The following WDFY4 variants were observed in gnomAD, a reference collection of about 807,000 sequenced individuals.
The protein encoded by WDFY4 is WDFY family member 4.
In WDFY4, 169 loss-of-function variants were observed where a neutral mutation model predicts 351.9. The observed-to-expected ratio is 0.48, with a 90% confidence interval of 0.42 to 0.55. The LOEUF is 0.55. Ranked by LOEUF, WDFY4 falls within the 20% of genes least tolerant of loss-of-function variation. The probability of loss-of-function intolerance (pLI) is 0.00; values close to 1 mark genes in which losing one functional copy is unlikely to be tolerated. For synonymous variants in WDFY4, 1,622 were observed against 1,574.6 expected, an observed-to-expected ratio of 1.03 and a Z score of -0.71; for missense variants, 3,803 against 3,935.6, an observed-to-expected ratio of 0.97 and a Z score of 0.90.
chr10:48,950,995 G>A (rs529915445), intron 51 of WDFY4, among the ~76,000 whole-genome samples: 21 of 152,368 alleles, frequency 1.4e-4, no homozygotes, highest in African/African-American at 4.6e-4. Context: ...CAGGCATGGA[G>A]TTCTCTGGGC....
In WDFY4 at chr10:48,890,736, T is replaced by G; in HGVS notation, c.7316+9T>G. Reference sequence around the variant, plus strand: ...CGTCACTGCTTATCCAAGTGAGTTATCCACTTCTCCCAGCAGATTCTTCCC... The same window carrying G: ...CGTCACTGCTTATCCAAGTGAGTTAGCCACTTCTCCCAGCAGATTCTTCCC... On this transcript the variant is annotated intron_variant, in intron 44 of 61. Coordinates refer to ENST00000325239, the MANE Select transcript of WDFY4 (RefSeq NM_001394531.1). The G allele has an allele frequency of 6.4e-7, 1 of 1,551,582 alleles. No individual in the cohort carries two copies. Among genetic ancestry groups the G allele is most frequent in the South Asian group, 1.2e-5 (1 of 84,062 alleles).
chr10:48,811,325 G>C (rs1441211907), intron 29 of WDFY4, among the ~76,000 whole-genome samples: 2 of 152,204 alleles, frequency 1.3e-5, no homozygotes, highest in African/African-American at 2.4e-5. Flanking sequence ...TGGGCAGCAA[G>C]TATGTTTTTG....
chr10:48,726,337 A>C (rs759245550), intron 6 of WDFY4, among the ~76,000 whole-genome samples: 15 of 152,348 alleles, frequency 9.8e-5, no homozygotes, highest in Non-Finnish European at 1.8e-4. Context: ...CACTATGCAC[A>C]CACTACCAAT....
At chr10:48,705,110 C>G (rs556253064) in intron 1 of WDFY4, among the ~76,000 whole-genome samples, 4 of 152,276 alleles carry the variant, frequency 2.6e-5, no homozygotes, top group African/African-American at 9.6e-5. Context: ...AGAGTAGAAT[C>G]CCCAGGAGCC....
At chr10:48,959,916 T>C in intron 53 of WDFY4, 103 bp downstream of exon 53, 1 of 1,068,496 alleles carries the variant, frequency 9.4e-7, no homozygotes, top group Middle Eastern at 3.0e-4. Flanking sequence ...ACCAGCACTG[T>C]GAGGCTCATG....
intron 28 of WDFY4, among the ~76,000 whole-genome samples, chr10:48,808,534 T>A (rs1241156069): frequency 6.6e-6 from 1 of 152,148 alleles, no homozygotes; most frequent in Non-Finnish European, 1.5e-5. Flanking sequence ...GTTGAGCATC[T>A]ACTGCATGCC....
chr10:48,882,655 G>A (rs2070299801), intron 43 of WDFY4, among the ~76,000 whole-genome samples: 1 of 152,178 alleles, frequency 6.6e-6, no homozygotes, highest in Non-Finnish European at 1.5e-5. Context: ...ATGGGAGCCA[G>A]CGCATCACAT....
chr10:48,946,208 C>CTAAAATGA, intron 50 of WDFY4, 51 bp downstream of exon 50: 1 of 1,366,698 alleles, frequency 7.3e-7, no homozygotes, highest in African/African-American at 1.5e-5. Flanking sequence ...TCGGGATGCC[C>CTAAAATGA]TAAAATGATA....
chr10:48,961,699 G>A (rs1426275698), intron 53 of WDFY4, among the ~76,000 whole-genome samples: 1 of 152,202 alleles, frequency 6.6e-6, no homozygotes, highest in Non-Finnish European at 1.5e-5. Context: ...TGGAGAAGAA[G>A]GGAAGATATG....
intron 60 of WDFY4, 90 bp downstream of exon 60, chr10:48,978,483 C>T (rs1842672145): frequency 7.9e-7 from 1 of 1,268,612 alleles, no homozygotes; most frequent in Non-Finnish European, 1.1e-6. Flanking sequence ...GGCTGCAGCT[C>T]CTCCCAGGTC....
At chr10:48,688,342 G>GA (rs373721699) in intron 1 of WDFY4, among the ~76,000 whole-genome samples, 177 of 150,142 alleles carry the variant, frequency 1.2e-3, no homozygotes, top group African/African-American at 3.4e-3. Flanking sequence ...GCTTTCAACA[G>GA]AAAAAAAAAC....
At position 48,787,901 on chromosome 10, in the gene WDFY4, T is replaced by C. The variant is rs1008853775; in HGVS notation, c.3809-629T>C. Among the ~76,000 whole-genome samples, 33 of 31,032 alleles carry C rather than the reference T, an allele frequency of 1.1e-3. 2 individuals carry two copies. Among genetic ancestry groups the C allele is most frequent in the African/African-American group, 4.8e-3 (31 of 6,412 alleles). The allele number at this position is 31,032 out of a possible 152,430, so 20.4% of individuals were successfully genotyped here. On this transcript the variant is annotated intron_variant, in intron 20 of 61. Transcript: ENST00000325239. Reference sequence around the variant, plus strand: ...TTCTTTCTTCTTCTTCTCCTTCTTCTTCTTCTTCTTCTTCTTCTTCTTCTT... The same window carrying C: ...TTCTTTCTTCTTCTTCTCCTTCTTCCTCTTCTTCTTCTTCTTCTTCTTCTT...
intron 12 of WDFY4, among the ~76,000 whole-genome samples, chr10:48,754,234 T>TG (rs1366980885): frequency 6.6e-6 from 1 of 151,754 alleles, no homozygotes; most frequent in Admixed American, 6.6e-5. Flanking sequence ...TGGTAGGTTT[T>TG]TTTTTTTTTT....
intron 2 of WDFY4, among the ~76,000 whole-genome samples, chr10:48,713,738 G>A (rs1483000930): frequency 6.6e-6 from 1 of 152,182 alleles, no homozygotes; most frequent in Non-Finnish European, 1.5e-5. Flanking sequence ...CTTAGCCAGG[G>A]CAAGGTGAAG....
At chr10:48,971,267 TG>T (rs1225970811) in intron 57 of WDFY4, among the ~76,000 whole-genome samples, 1 of 152,086 alleles carries the variant, frequency 6.6e-6, no homozygotes, top group Non-Finnish European at 1.5e-5. Context: ...GAGGCTGAGG[TG>T]GGCGGATCAC....
chr10:48,758,984 T>A (rs115274460), intron 12 of WDFY4, among the ~76,000 whole-genome samples: 1 of 152,168 alleles, frequency 6.6e-6, no homozygotes, highest in Admixed American at 6.5e-5. Flanking sequence ...ACATTTTGAA[T>A]CTTATCTTAT....
chr10:48,788,210 G>T (rs532408729), intron 20 of WDFY4, among the ~76,000 whole-genome samples: 1 of 151,642 alleles, frequency 6.6e-6, no homozygotes, highest in Admixed American at 6.6e-5. Context: ...TGTACTTTTA[G>T]TAGAGACGAG....
chr10:48,780,665 A>G (rs1403154276), intron 19 of WDFY4, among the ~76,000 whole-genome samples: 1 of 152,154 alleles, frequency 6.6e-6, no homozygotes, highest in Non-Finnish European at 1.5e-5. Flanking sequence ...ATTTAGAGAC[A>G]CCCCAGGTAT....
intron 12 of WDFY4, among the ~76,000 whole-genome samples, chr10:48,750,100 G>T (rs1022962790): frequency 1.3e-5 from 2 of 152,240 alleles, no homozygotes; most frequent in Admixed American, 6.5e-5. Context: ...GCATCCTGCA[G>T]CTTCATCCTA....
Sources: allele counts gnomAD v4.1 joint callset (sites outside exome capture counted in the v4.1 genomes callset), GRCh38; gene constraint gnomAD v4.1.1; transcripts MANE v1.5; gene names NCBI Gene and HGNC (gene_info 2026-07-23, HGNC 2026-07-21).